COL4A2: variants seen among roughly 807,000 people sequenced by gnomAD.
The protein encoded by COL4A2 is collagen alpha-2(IV) chain.
Under a neutral mutation model 200.2 loss-of-function variants are expected in COL4A2, and 99 were observed. The observed-to-expected ratio is 0.49, with a 90% confidence interval of 0.42 to 0.58. The LOEUF (loss-of-function observed/expected upper bound fraction) is 0.58, where lower values mean the gene tolerates loss of function less well. Ranked by LOEUF, COL4A2 falls within the 20% of genes least tolerant of loss-of-function variation. The pLI, the probability that COL4A2 is intolerant of heterozygous loss-of-function variation, is 0.00. For missense variants in COL4A2, 1,950 were observed against 2,314.1 expected (o/e 0.84, Z 3.23); for synonymous variants, 897 against 900.6 (o/e 1.00, Z 0.07).
chr13:110,392,281 T>A (rs1879016658), intron 4 of COL4A2, among the ~76,000 whole-genome samples: 1 of 152,240 alleles, frequency 6.6e-6, no homozygotes. Context: ...TATTCTTGCA[T>A]TCACGTTCCA....
chr13:110,458,758 C>T lies in COL4A2; in HGVS notation c.1433-13C>T. The T allele has an allele frequency of 1.2e-6, 2 of 1,613,816 alleles. No homozygotes were observed. Among genetic ancestry groups the T allele is most frequent in the Non-Finnish European group, 1.7e-6 (2 of 1,179,868 alleles). ...ATGCGGAACAAGGAGGCCCTCCTCT[C>T]CCTCCTCTGCAGGTGACGCTGGGGA... On this transcript the variant is annotated splice_polypyrimidine_tract_variant and intron_variant, in intron 21 of 47. Coordinates refer to ENST00000360467, the MANE Select transcript of COL4A2 (RefSeq NM_001846.4).
chr13:110,308,139 C>G lies in COL4A2; in HGVS notation c.99+16C>G. The G allele has an allele frequency of 6.2e-7, 1 of 1,613,094 alleles. No individual in the cohort carries two copies. Among genetic ancestry groups the G allele is most frequent in the Admixed American group, 1.7e-5 (1 of 60,026 alleles). ...CGTCTTGGCGGTAAGTCCTGGCTCC[C>G]GCGCTTGGACTTGCGCGCCCGAGAG... On this transcript the variant is annotated intron_variant, in intron 3 of 47. Transcript: ENST00000360467.
At chr13:110,475,564 A>G (rs960115819) in intron 29 of COL4A2, among the ~76,000 whole-genome samples, 3 of 152,250 alleles carry the variant, frequency 2.0e-5, no homozygotes, top group African/African-American at 4.8e-5. Context: ...ACCATGATCA[A>G]TGTTACCTTT....
intron 27 of COL4A2, among the ~76,000 whole-genome samples, chr13:110,467,431 CT>C (rs1013809063): frequency 2.6e-5 from 4 of 152,234 alleles, no homozygotes; most frequent in Admixed American, 6.5e-5. Context: ...CTTTTTATGC[CT>C]TTCCATCCCA....
Position 110,508,169 on chromosome 13 carries a change from C to T in COL4A2, c.4829C>T (p.Pro1610Leu), listed in dbSNP as rs1275313652. The change falls in exon 47 of 48, where the codon CCA becomes CTA. Residue 1610 changes from proline (P) to leucine (L), a missense_variant. Pro to Leu is a moderately conservative substitution (Grantham distance 98). Transcript: ENST00000360467. This position sits in a 1 kb window ranked among gnomAD's most constrained non-coding sequence, Gnocchi z 6.1. ...IAVHSQDVSI[P>L]HCPAGWRSLW... ...GTCCACAGTCAGGATGTCTCCATCC[C>T]ACACTGCCCAGCTGGGTGGCGGAGT... The T allele has an allele frequency of 1.2e-6, 2 of 1,614,258 alleles. No individual in the cohort carries two copies. Among genetic ancestry groups the T allele is most frequent in the Non-Finnish European group, 1.7e-6 (2 of 1,180,048 alleles).
Position 110,480,350 on chromosome 13 carries a change from T to A in COL4A2, c.2718T>A (p.Phe906Leu), listed in dbSNP as rs1235056541. The change falls in exon 31 of 48, where the codon TTT becomes TTA. Residue 906 changes from phenylalanine (F) to leucine (L), a missense_variant. This residue lies in a region of COL4A2 where 1,385 missense variants were observed against 1,720.5 expected (regional missense o/e 0.80). Transcript: ENST00000360467. ...GEQGHPGSPG[F>L]KGIDGMPGTP... ...AAGGCCATCCAGGAAGCCCTGGATT[T>A]AAAGGAATTGATGGAATGCCTGGGA... The A allele has an allele frequency of 1.2e-6, 2 of 1,613,418 alleles. No homozygotes were observed. The highest frequency in any genetic ancestry group is 2.7e-5 in the African/African-American group (2 of 74,866).
intron 4 of COL4A2, among the ~76,000 whole-genome samples, chr13:110,406,260 C>T (rs957727722): frequency 3.3e-5 from 5 of 152,106 alleles, no homozygotes; most frequent in Non-Finnish European, 5.9e-5. Context: ...ATCTGCTGCC[C>T]CTACGGACAC....
intron 4 of COL4A2, among the ~76,000 whole-genome samples, chr13:110,375,873 C>T (rs551241647): frequency 6.6e-6 from 1 of 152,206 alleles, no homozygotes; most frequent in East Asian, 1.9e-4. Flanking sequence ...GATTATGCTA[C>T]ATCTTTATAC....
chr13:110,392,073 TGGCAGGAG>T (rs1879004481), intron 4 of COL4A2, among the ~76,000 whole-genome samples: 1 of 152,010 alleles, frequency 6.6e-6, no homozygotes, highest in Non-Finnish European at 1.5e-5. Context: ...CAACAACAAA[TGGCAGGAG>T]GTGAAGAACT....
chr13:110,382,520 T>C (rs1341880183), intron 4 of COL4A2, among the ~76,000 whole-genome samples: 8 of 152,244 alleles, frequency 5.3e-5, no homozygotes, highest in Non-Finnish European at 1.0e-4. Context: ...TAAAACAGGA[T>C]GTATTTATGG....
chr13:110,382,815 A>C (rs1044973925), intron 4 of COL4A2, among the ~76,000 whole-genome samples: 1 of 152,230 alleles, frequency 6.6e-6, no homozygotes, highest in Non-Finnish European at 1.5e-5. Context: ...TAGTTGCATC[A>C]CATTTTTCCT....
intron 3 of COL4A2, among the ~76,000 whole-genome samples, chr13:110,338,019 A>G (rs1231216038): frequency 1.3e-5 from 2 of 152,214 alleles, no homozygotes; most frequent in Non-Finnish European, 2.9e-5. Context: ...TTCTGGAATC[A>G]CACAAAACTC....
chr13:110,357,171 A>G (rs1005528265), intron 3 of COL4A2, among the ~76,000 whole-genome samples: 14 of 152,024 alleles, frequency 9.2e-5, no homozygotes, highest in Non-Finnish European at 2.1e-4. Context: ...AGACTCAGCG[A>G]TTGTAACCAG....
At chr13:110,354,390 C>G (rs1406257598) in intron 3 of COL4A2, among the ~76,000 whole-genome samples, 1 of 152,140 alleles carries the variant, frequency 6.6e-6, no homozygotes, top group Non-Finnish European at 1.5e-5. Flanking sequence ...ATCACATATT[C>G]AAATCATGGG....
At chr13:110,420,269 A>G (rs543209635) in intron 4 of COL4A2, among the ~76,000 whole-genome samples, 81 of 152,352 alleles carry the variant, frequency 5.3e-4, no homozygotes, top group African/African-American at 1.9e-3. Flanking sequence ...GTGTCACTAC[A>G]TGCAGTTGCC....
At chr13:110,510,939 T>G (rs758535084) in intron 47 of COL4A2, among the ~76,000 whole-genome samples, 1 of 152,262 alleles carries the variant, frequency 6.6e-6, no homozygotes, top group East Asian at 1.9e-4. Flanking sequence ...GACAGGCTTC[T>G]GCCTTATGTG....
intron 16 of COL4A2, among the ~76,000 whole-genome samples, 181 bp from the exon 17 acceptor site, chr13:110,445,648 G>A (rs1881292107): frequency 6.6e-6 from 1 of 152,206 alleles, no homozygotes; most frequent in Non-Finnish European, 1.5e-5. Context: ...CCTGGTTCTA[G>A]CAAAGCAACC....
chr13:110,314,097 A>G (rs1299083443), intron 3 of COL4A2, among the ~76,000 whole-genome samples: 1 of 152,248 alleles, frequency 6.6e-6, no homozygotes, highest in African/African-American at 2.4e-5. Flanking sequence ...CGGAGGCTGC[A>G]GTTCAATGTG....
At chr13:110,392,634 C>T (rs966542159) in intron 4 of COL4A2, among the ~76,000 whole-genome samples, 1 of 152,178 alleles carries the variant, frequency 6.6e-6, no homozygotes, top group African/African-American at 2.4e-5. Context: ...ATTAGTACAA[C>T]GCCTGTCTCA....
Sources: gnomAD v4.1 joint callset for allele counts (sites outside exome capture counted in the v4.1 genomes callset) on GRCh38, gnomAD v4.1.1 for gene constraint, gnomAD v4.1.1 regional missense constraint, Gnocchi (gnomAD v3.1) non-coding constraint, MANE v1.5 for transcripts, NCBI Gene and HGNC (gene_info 2026-07-23, HGNC 2026-07-21) for gene names.